ACOT7: variants seen among roughly 807,000 people sequenced by gnomAD.
ACOT7 encodes acyl-CoA thioesterase 7, also known as cytosolic acyl coenzyme A thioester hydrolase.
In ACOT7, 12 loss-of-function variants were observed where a neutral mutation model predicts 40.2. That is an observed-to-expected ratio of 0.30 (90% CI 0.19 to 0.48). ACOT7 has a LOEUF of 0.48. Ranked by LOEUF, ACOT7 falls within the 20% of genes least tolerant of loss-of-function variation. The pLI, the probability that ACOT7 is intolerant of heterozygous loss-of-function variation, is 0.99. For missense variants in ACOT7, 395 were observed against 530.8 expected (o/e 0.74, Z 2.51); for synonymous variants, 228 against 219.5 (o/e 1.04, Z -0.34).
At chr1:6,323,733 AAAAAATATATAT>A (rs1470842120) in intron 5 of ACOT7, among the ~76,000 whole-genome samples, 8 of 76,900 alleles carry the variant, frequency 1.0e-4, no homozygotes, top group African/African-American at 3.4e-4. Flanking sequence ...AAAAAAAAAA[AAAAAATATATAT>A]ATATATATAT....
chr1:6,371,104 C>T (rs780796714), intron 1 of ACOT7, among the ~76,000 whole-genome samples: 4 of 152,130 alleles, frequency 2.6e-5, no homozygotes, highest in South Asian at 2.1e-4. Context: ...CCACCGCACC[C>T]GGCCTGATCA....
chr1:6,368,319 C>G (rs1365374460), intron 1 of ACOT7, among the ~76,000 whole-genome samples: 1 of 152,186 alleles, frequency 6.6e-6, no homozygotes, highest in Non-Finnish European at 1.5e-5. Flanking sequence ...TGCCCAAAGT[C>G]TGAAGGGCAC....
At chr1:6,362,736 A>C (rs1641917404) in intron 1 of ACOT7, among the ~76,000 whole-genome samples, 1 of 152,168 alleles carries the variant, frequency 6.6e-6, no homozygotes, top group Non-Finnish European at 1.5e-5. Context: ...AAGATCTCTC[A>C]GAGCTCAATG....
At chr1:6,367,186 G>A (rs1344139634) in intron 1 of ACOT7, among the ~76,000 whole-genome samples, 27 of 146,980 alleles carry the variant, frequency 1.8e-4, no homozygotes, top group Middle Eastern at 3.9e-3. Context: ...GCGACAGAGC[G>A]AGACTCCATT....
At chr1:6,391,564 A>G (rs915572581) in intron 1 of ACOT7, among the ~76,000 whole-genome samples, 1 of 152,172 alleles carries the variant, frequency 6.6e-6, no homozygotes, top group African/African-American at 2.4e-5. Context: ...ACATGTATAA[A>G]TTGGCTATTC....
chr1:6,276,999 C>G (rs1466928641), intron 8 of ACOT7, among the ~76,000 whole-genome samples: 5 of 152,220 alleles, frequency 3.3e-5, no homozygotes, highest in Non-Finnish European at 5.9e-5. Flanking sequence ...CACCCCCCCC[C>G]AGGGTATGGA....
intron 5 of ACOT7, among the ~76,000 whole-genome samples, chr1:6,324,666 G>A (rs1441734882): frequency 6.6e-6 from 1 of 152,122 alleles, no homozygotes; most frequent in Non-Finnish European, 1.5e-5. Context: ...CTCACAAAAA[G>A]GTAGGTCCAG....
intron 7 of ACOT7, among the ~76,000 whole-genome samples, chr1:6,286,327 C>T (rs762739165): frequency 2.0e-5 from 3 of 152,158 alleles, no homozygotes; most frequent in Admixed American, 6.5e-5. Context: ...CTGGGGAAGG[C>T]GGCCAGAAGG....
intron 7 of ACOT7, 53 bp from the exon 8 acceptor site, chr1:6,281,339 G>A (rs1639355006): frequency 1.0e-5 from 16 of 1,541,818 alleles, no homozygotes; most frequent in South Asian, 3.4e-5. Context: ...ACGGCTGGGC[G>A]GGGGACACTG....
At position 6,306,616 on chromosome 1, in the gene ACOT7, T is replaced by C; in HGVS notation, c.713-11636A>G. On this transcript the variant is annotated intron_variant, in intron 6 of 8. Transcript: ENST00000361521. This position sits in a 1 kb window ranked among gnomAD's most constrained non-coding sequence, Gnocchi z 4.3. ...TAGAAGGCGAGTACTAGAAGGAATT[T>C]AACTGCAGCCTGTGCCACTCAGCTT... 1 of 985,404 alleles carries C rather than the reference T, an allele frequency of 1.0e-6. No homozygotes were observed. The highest frequency in any genetic ancestry group is 1.1e-4 in the East Asian group (1 of 8,804). The allele number at this position is 985,404 out of a possible 1,614,324, so 61.0% of individuals were successfully genotyped here. A position where few individuals can be genotyped will look rare whatever the true frequency, so the allele number is the denominator to read the frequency against.
chr1:6,292,983 A>G (rs532544449), intron 7 of ACOT7, among the ~76,000 whole-genome samples: 6 of 137,086 alleles, frequency 4.4e-5, no homozygotes, highest in East Asian at 2.1e-4. Flanking sequence ...TCCACCTCCC[A>G]GGTTCACGCC....
chr1:6,268,640 C>T (rs977188268), intron 8 of ACOT7, among the ~76,000 whole-genome samples: 12 of 152,338 alleles, frequency 7.9e-5, no homozygotes, highest in African/African-American at 2.9e-4. Flanking sequence ...TGGTCCAGTT[C>T]ATAGGTGTGT....
At chr1:6,279,229 G>A (rs1031598033) in intron 8 of ACOT7, among the ~76,000 whole-genome samples, 1 of 152,222 alleles carries the variant, frequency 6.6e-6, no homozygotes, top group Non-Finnish European at 1.5e-5. Context: ...CAGGGTCAGG[G>A]GCTGAGGAAC....
In ACOT7 at chr1:6,264,507, G is replaced by T; in HGVS notation, c.*90C>A. On this transcript the variant is annotated 3_prime_UTR_variant, in exon 9 of 9. Coordinates refer to ENST00000361521, the MANE Select transcript of ACOT7 (RefSeq NM_007274.4). Reference sequence around the variant, plus strand: ...CAACACCAGCTCTCAATGTGAATTGGGTTTTTGGCCAAGGGGGGAACTTCT... The same window carrying T: ...CAACACCAGCTCTCAATGTGAATTGTGTTTTTGGCCAAGGGGGGAACTTCT... The T allele has an allele frequency of 8.0e-7, 1 of 1,248,576 alleles. No homozygotes were observed. Among genetic ancestry groups the T allele is most frequent in the Non-Finnish European group, 1.1e-6 (1 of 899,812 alleles). 77.3% of individuals were successfully genotyped at this position (1,248,576 alleles called of 1,614,324 possible). A position where few individuals can be genotyped will look rare whatever the true frequency, so the allele number is the denominator to read the frequency against.
At chr1:6,323,272 G>A (rs1640698393) in intron 5 of ACOT7, among the ~76,000 whole-genome samples, 1 of 152,190 alleles carries the variant, frequency 6.6e-6, no homozygotes, top group African/African-American at 2.4e-5. Flanking sequence ...ACCTAGAAAG[G>A]ACCTGTCTTC....
At chr1:6,332,017 T>TA (rs1640967985) in intron 4 of ACOT7, among the ~76,000 whole-genome samples, 1 of 152,156 alleles carries the variant, frequency 6.6e-6, no homozygotes, top group Non-Finnish European at 1.5e-5. Flanking sequence ...CCAGGCCTCC[T>TA]ACAGGCGGGA....
intron 6 of ACOT7, among the ~76,000 whole-genome samples, chr1:6,305,495 G>C (rs1346483734): frequency 6.7e-6 from 1 of 148,302 alleles, no homozygotes; most frequent in South Asian, 2.1e-4. Context: ...GGGCGGAGGG[G>C]CTTCTCACTT....
In ACOT7 at chr1:6,358,864, G is replaced by C; in HGVS notation, c.144-8998C>G. 1 of 1,613,748 alleles carries C rather than the reference G, an allele frequency of 6.2e-7. No homozygotes were observed. ...AAGCCATGGTGGCTAGGACATCCCA[G>C]GATCAGATGCAGAGAAAGGCGAGGG... On this transcript the variant is annotated intron_variant, in intron 1 of 8. Coordinates refer to ENST00000361521, the MANE Select transcript of ACOT7 (RefSeq NM_007274.4). This position sits in a 1 kb window ranked among gnomAD's most constrained non-coding sequence, Gnocchi z 4.1.
intron 1 of ACOT7, among the ~76,000 whole-genome samples, chr1:6,350,080 TGA>T (rs1641548421): frequency 6.6e-6 from 1 of 152,096 alleles, no homozygotes; most frequent in African/African-American, 2.4e-5. Flanking sequence ...GCTGTTTCCA[TGA>T]GAGAGAAGGA....
Sources: allele counts gnomAD v4.1 joint callset (sites outside exome capture counted in the v4.1 genomes callset), GRCh38; gene constraint gnomAD v4.1.1; non-coding constraint Gnocchi (gnomAD v3.1); transcripts MANE v1.5; gene names NCBI Gene and HGNC (gene_info 2026-07-23, HGNC 2026-07-21).